The following USP25 variants were observed in gnomAD, a reference collection of about 807,000 sequenced individuals.
The protein encoded by USP25 is ubiquitin carboxyl-terminal hydrolase 25.
In USP25, 85 loss-of-function variants were observed where a neutral mutation model predicts 158.5. The ratio of observed to expected loss-of-function variants is 0.54; its 90% confidence interval spans 0.45 to 0.64. The LOEUF (loss-of-function observed/expected upper bound fraction) is 0.64, where lower values mean the gene tolerates loss of function less well. Ranked by LOEUF, USP25 falls within the 30% of genes least tolerant of loss-of-function variation. USP25 has a pLI of 0.00. For missense variants in USP25, 1,242 were observed against 1,327.3 expected (o/e 0.94, Z 1.00); for synonymous variants, 464 against 460.4 (o/e 1.01, Z -0.10).
intron 8 of USP25, 44 bp from the exon 9 acceptor site, chr21:15,811,093 G>A (rs769271990): frequency 1.3e-6 from 2 of 1,523,906 alleles, no homozygotes; most frequent in Non-Finnish European, 1.8e-6. Flanking sequence ...CTATTTATAG[G>A]TCCGAAAATT....
chr21:15,806,574 A>C (rs186728278), intron 7 of USP25, among the ~76,000 whole-genome samples: 115 of 152,292 alleles, frequency 7.6e-4, no homozygotes, highest in African/African-American at 2.6e-3. Flanking sequence ...TGAAATGGAT[A>C]CAACTGGCGG....
At chr21:15,835,421 TCATTTTA>T (rs1209400330) in intron 17 of USP25, among the ~76,000 whole-genome samples, 2 of 151,790 alleles carry the variant, frequency 1.3e-5, no homozygotes, top group Non-Finnish European at 2.9e-5. Context: ...TGCCCCATCC[TCATTTTA>T]CATTTGTCAT....
chr21:15,832,483 T>G (rs1199443492), intron 16 of USP25, among the ~76,000 whole-genome samples: 1 of 152,224 alleles, frequency 6.6e-6, no homozygotes, highest in Non-Finnish European at 1.5e-5. Context: ...AGAAGTTCAG[T>G]AATTCTTCTG....
intron 1 of USP25, among the ~76,000 whole-genome samples, chr21:15,759,714 G>T (rs951606240): frequency 6.6e-6 from 1 of 152,096 alleles, no homozygotes; most frequent in African/African-American, 2.4e-5. Flanking sequence ...CAGACTTAAG[G>T]TCTGTGTTTA....
chr21:15,859,021 CTGTT>C (rs976645433), intron 20 of USP25, among the ~76,000 whole-genome samples: 24 of 151,412 alleles, frequency 1.6e-4, no homozygotes, highest in East Asian at 1.9e-4. Context: ...GTACACCACA[CTGTT>C]TGTTTACCAA....
At chr21:15,851,695 G>T (rs1025932277) in intron 20 of USP25, among the ~76,000 whole-genome samples, 1 of 151,844 alleles carries the variant, frequency 6.6e-6, no homozygotes, top group Non-Finnish European at 1.5e-5. Context: ...TAGTTTATGT[G>T]TATTACTGAT....
At chr21:15,852,980 A>C (rs2038955879) in intron 20 of USP25, among the ~76,000 whole-genome samples, 1 of 152,184 alleles carries the variant, frequency 6.6e-6, no homozygotes, top group East Asian at 1.9e-4. Flanking sequence ...TTTTTCGTAT[A>C]AAAAATGAAA....
At chr21:15,855,473 T>G (rs1300715985) in intron 20 of USP25, among the ~76,000 whole-genome samples, 1 of 152,228 alleles carries the variant, frequency 6.6e-6, no homozygotes, top group Non-Finnish European at 1.5e-5. Context: ...AAGAATTATT[T>G]ATCAACATGG....
rs2036939033 is a variant in USP25 at position 15,816,430 on chromosome 21, C to G, written c.932-2268C>G. On this transcript the variant is annotated intron_variant, in intron 9 of 25. Transcript: ENST00000400183. This position sits in a 1 kb window ranked among gnomAD's most constrained non-coding sequence, Gnocchi z 4.0. ...AGTTGTTAATGCTGATGACTCTTAA[C>G]CTCTTCTTCCTCCTTTTTCCTATTC... Among the ~76,000 whole-genome samples the G allele has an allele frequency of 6.6e-6, 1 of 152,148 alleles. No homozygotes were observed. Among genetic ancestry groups the G allele is most frequent in the Non-Finnish European group, 1.5e-5 (1 of 68,032 alleles).
chr21:15,828,773 G>A (rs2037653460), intron 14 of USP25, among the ~76,000 whole-genome samples: 1 of 152,070 alleles, frequency 6.6e-6, no homozygotes, highest in Non-Finnish European at 1.5e-5. Context: ...CAAGTAGCTG[G>A]GATTACAGTT....
intron 6 of USP25, among the ~76,000 whole-genome samples, chr21:15,802,266 G>A (rs1160660373): frequency 6.6e-6 from 1 of 151,512 alleles, no homozygotes; most frequent in Admixed American, 6.6e-5. Flanking sequence ...GTCATCAGAA[G>A]GAAATGGGTT....
At position 15,879,450 on chromosome 21, in the gene USP25, A is replaced by C. The variant is rs1475810567; in HGVS notation, c.*975A>C. On this transcript the variant is annotated 3_prime_UTR_variant, in exon 26 of 26. Transcript: ENST00000400183. ...CTTTAATTGAAAATGTTCTCTACTAATTAATACTGTGAAACAAAATTGATG... is the reference window on the plus strand; with the variant it reads ...CTTTAATTGAAAATGTTCTCTACTACTTAATACTGTGAAACAAAATTGATG... The C allele has an allele frequency of 6.6e-6, 1 of 152,440 alleles. No individual in the cohort carries two copies. The highest frequency in any genetic ancestry group is 1.5e-5 in the Non-Finnish European group (1 of 67,932). The allele number at this position is 152,440 out of a possible 1,614,324, so 9.4% of individuals were successfully genotyped here. A position where few individuals can be genotyped will look rare whatever the true frequency, so the allele number is the denominator to read the frequency against.
chr21:15,744,303 A>G (rs115378004), intron 1 of USP25: 4,165 of 152,210 alleles, frequency 0.027, 196 homozygotes, highest in African/African-American at 0.092. Flanking sequence ...GGCTTAGGCA[A>G]ACCTTAGGGT....
intron 3 of USP25, among the ~76,000 whole-genome samples, chr21:15,770,248 G>A (rs2034278337): frequency 1.3e-5 from 2 of 152,158 alleles, no homozygotes; most frequent in African/African-American, 4.8e-5. Context: ...TATGTAAAAC[G>A]ATTTTTGATG....
intron 4 of USP25, among the ~76,000 whole-genome samples, chr21:15,783,784 C>T (rs562097015): frequency 5.4e-5 from 8 of 146,836 alleles, no homozygotes; most frequent in Non-Finnish European, 8.9e-5. Context: ...GGTGAAACCC[C>T]GTCTGTACTA....
intron 8 of USP25, 92 bp from the exon 9 acceptor site, chr21:15,811,045 T>A: frequency 8.7e-7 from 1 of 1,144,788 alleles, no homozygotes; most frequent in Non-Finnish European, 1.3e-6. Context: ...CATAAGTGTT[T>A]TTGTCTTGTC....
intron 16 of USP25, among the ~76,000 whole-genome samples, chr21:15,832,986 C>G (rs971218354): frequency 1.3e-5 from 2 of 152,010 alleles, no homozygotes; most frequent in Non-Finnish European, 2.9e-5. Flanking sequence ...TCACTGCACT[C>G]CAGCCTGAGT....
intron 3 of USP25, among the ~76,000 whole-genome samples, chr21:15,767,140 G>C (rs1472265148): frequency 6.6e-6 from 1 of 152,018 alleles, no homozygotes; most frequent in Non-Finnish European, 1.5e-5. Flanking sequence ...GGCAAGCTGT[G>C]ACTGGGCCCC....
intron 20 of USP25, among the ~76,000 whole-genome samples, chr21:15,851,458 C>T (rs2038883562): frequency 6.6e-6 from 1 of 151,590 alleles, no homozygotes; most frequent in Non-Finnish European, 1.5e-5. Context: ...TCTTTCTTTT[C>T]CTGCGTCGCA....
Sources: gnomAD v4.1 joint callset for allele counts (sites outside exome capture counted in the v4.1 genomes callset) on GRCh38, gnomAD v4.1.1 for gene constraint, Gnocchi (gnomAD v3.1) non-coding constraint, MANE v1.5 for transcripts, NCBI Gene and HGNC (gene_info 2026-07-23, HGNC 2026-07-21) for gene names.